STK36: variants seen among roughly 807,000 people sequenced by gnomAD.
STK36 encodes the protein serine/threonine-protein kinase 36.
A neutral mutation model predicts 142.2 loss-of-function variants in STK36; 116 were observed. That is an observed-to-expected ratio of 0.82 (90% CI 0.70 to 0.95). The LOEUF (loss-of-function observed/expected upper bound fraction) is 0.95, where lower values mean the gene tolerates loss of function less well. Among genes scored for constraint, STK36 ranks in the 40% least tolerant of loss-of-function variants. The pLI, the probability that STK36 is intolerant of heterozygous loss-of-function variation, is 0.00. For synonymous variants in STK36, 619 were observed against 641.7 expected (o/e 0.96, Z 0.53); for missense variants, 1,422 against 1,617.2 (o/e 0.88, Z 2.07).
In STK36 at chr2:218,698,814, G is replaced by T. The variant is rs766550861; in HGVS notation, c.3270G>T (p.Arg1090Ser). ...DLLSLLAHTARVLSPSHLSFI... is the reference protein window; with the variant it reads ...DLLSLLAHTASVLSPSHLSFI... Reference sequence around the variant, plus strand: ...TCTCTCTGCTGGCCCATACTGCCAGGGTCCTGTCTCCCAGCCACTTGTCCT... The same window carrying T: ...TCTCTCTGCTGGCCCATACTGCCAGTGTCCTGTCTCCCAGCCACTTGTCCT... The change falls in exon 26 of 27, where the codon AGG becomes AGT. Residue 1090 changes from arginine to serine, a missense_variant. Coordinates refer to ENST00000295709, the MANE Select transcript of STK36 (RefSeq NM_015690.5). The T allele has an allele frequency of 6.2e-7, 1 of 1,614,140 alleles. No homozygotes were observed. The highest frequency in any genetic ancestry group is 8.5e-7 in the Non-Finnish European group (1 of 1,180,030).
At chr2:218,700,925 TC>T (rs1018556429) in intron 26 of STK36, among the ~76,000 whole-genome samples, 2 of 149,096 alleles carry the variant, frequency 1.3e-5, no homozygotes, top group Non-Finnish European at 1.5e-5. Flanking sequence ...GGCAAGAGAA[TC>T]CCTTGAACCT....
intron 1 of STK36, 122 bp from the exon 2 acceptor site, chr2:218,672,619 T>G: frequency 1.9e-6 from 1 of 530,888 alleles, no homozygotes; most frequent in Non-Finnish European, 3.4e-6. Context: ...AGAAGCTCTG[T>G]TTGTTCCAAG....
intron 5 of STK36, 152 bp from the exon 6 acceptor site, chr2:218,675,877 C>T (rs1232641485): frequency 1.9e-5 from 18 of 964,568 alleles, no homozygotes; most frequent in Middle Eastern, 3.3e-4. Context: ...ATTTTAGAAC[C>T]GGAGCTAGAG....
intron 9 of STK36, 29 bp downstream of exon 9, chr2:218,680,109 G>C (rs758427578): frequency 6.2e-7 from 1 of 1,606,290 alleles, no homozygotes; most frequent in South Asian, 1.1e-5. Context: ...GGGATTTGTA[G>C]GGTGAGGTAT....
chr2:218,675,223 G>T, intron 4 of STK36, 120 bp from the exon 5 acceptor site: 2 of 1,082,070 alleles, frequency 1.8e-6, no homozygotes, highest in Non-Finnish European at 1.3e-6. Flanking sequence ...ATAGTGTGAA[G>T]CTCTGCAAGA....
At position 218,692,788 on chromosome 2, in the gene STK36, G is replaced by A. The variant is rs1385322406; in HGVS notation, c.2043+78G>A. ...AGGCTAGCCCCAGTTTTTCAGAAAG[G>A]CAGAAAAACAAGCTTTTAAGCCCCT... On this transcript the variant is annotated intron_variant, in intron 16 of 26. Coordinates refer to ENST00000295709, the MANE Select transcript of STK36 (RefSeq NM_015690.5). 4.6e-6 allele frequency: 7 copies of A among 1,506,750 alleles called. No individual in the cohort carries two copies. The African/African-American group carries it at 8.3e-5, about 18-fold the overall frequency. The allele number at this position is 1,506,750 out of a possible 1,614,324, so 93.3% of individuals were successfully genotyped here.
At chr2:218,678,027 G>A (rs576976700) in intron 6 of STK36, among the ~76,000 whole-genome samples, 2 of 152,268 alleles carry the variant, frequency 1.3e-5, no homozygotes, top group Non-Finnish European at 2.9e-5. Context: ...TCCCAACCTC[G>A]CGATCTGCCC....
rs1393600331 is a variant in STK36, at chr2:218,698,903, A to G, written c.3359A>G (p.His1120Arg). 3 of 1,614,008 alleles carry G rather than the reference A, an allele frequency of 1.9e-6. No individual in the cohort carries two copies. The highest frequency in any genetic ancestry group is 2.5e-6 in the Non-Finnish European group (3 of 1,180,026). The change falls in exon 26 of 27, where the codon CAC (histidine) becomes CGC (arginine). Residue 1120 changes from histidine to arginine, a missense_variant. By Grantham distance (29) the His-to-Arg change is conservative (BLOSUM62 0). Coordinates refer to ENST00000295709, the MANE Select transcript of STK36 (RefSeq NM_015690.5). Reference sequence around the variant, plus strand: ...CGGCCCCTGCGCAGCCTCCTGGGCCACCCAGAGAATTCTGTGCGGGCACAC... The same window carrying G: ...CGGCCCCTGCGCAGCCTCCTGGGCCGCCCAGAGAATTCTGTGCGGGCACAC... ...SYRPLRSLLGHPENSVRAHTY... is the reference protein window; with the variant it reads ...SYRPLRSLLGRPENSVRAHTY...
At position 218,702,450 on chromosome 2, in the gene STK36, C is replaced by A. The variant is rs1559349029; in HGVS notation, c.*441C>A. On this transcript the variant is annotated 3_prime_UTR_variant, in exon 27 of 27. Coordinates refer to ENST00000295709, the MANE Select transcript of STK36 (RefSeq NM_015690.5). ...TGTCTCAGCTCTAGGCTGTGGGGATCAATGCCATCAGTCCCTGTTATTGAG... is the reference window on the plus strand; with the variant it reads ...TGTCTCAGCTCTAGGCTGTGGGGATAAATGCCATCAGTCCCTGTTATTGAG... 1 of 156,500 alleles carries A rather than the reference C, an allele frequency of 6.4e-6. No homozygotes were observed. Among genetic ancestry groups the A allele is most frequent in the South Asian group, 2.0e-4 (1 of 5,110 alleles). 9.7% of individuals were successfully genotyped at this position (156,500 alleles called of 1,614,324 possible). A position where few individuals can be genotyped will look rare whatever the true frequency, so the allele number is the denominator to read the frequency against.
At chr2:218,700,294 C>G (rs1941396314) in intron 26 of STK36, among the ~76,000 whole-genome samples, 1 of 152,158 alleles carries the variant, frequency 6.6e-6, no homozygotes, top group Non-Finnish European at 1.5e-5. Context: ...ACCTCTGCCT[C>G]CAGGTTCAGC....
chr2:218,690,441 C>A lies in STK36; in HGVS notation c.1659-9C>A. 1 of 1,612,870 alleles carries A rather than the reference C, an allele frequency of 6.2e-7. No individual in the cohort carries two copies. The highest frequency in any genetic ancestry group is 8.5e-7 in the Non-Finnish European group (1 of 1,178,934). ...GATAAGAAATCATGGGCTCATTTTC[C>A]ACCCCCAGCCTGCAGGTGTTTCAGG... is the stretch of plus-strand genomic sequence containing the variant. On this transcript the variant is annotated splice_polypyrimidine_tract_variant and intron_variant, in intron 13 of 26. Coordinates refer to ENST00000295709, the MANE Select transcript of STK36 (RefSeq NM_015690.5).
rs1209038026 is a variant in STK36 at position 218,698,121 on chromosome 2, G to A, written c.3057+120G>A. On this transcript the variant is annotated intron_variant, in intron 25 of 26. Coordinates refer to ENST00000295709, the MANE Select transcript of STK36 (RefSeq NM_015690.5). ...CCTGTAAGCATGGAACAGCTGGCTT[G>A]ACTCAAAAGTTGGCGTGGAGACAGT... 1.1e-5 allele frequency: 15 copies of A among 1,400,972 alleles called. No homozygotes were observed. The African/African-American group carries it at 2.0e-4, about 19-fold the overall frequency. 86.8% of individuals were successfully genotyped at this position (1,400,972 alleles called of 1,614,324 possible).
At chr2:218,673,585 A>G (rs754970365) in intron 2 of STK36, 40 bp from the exon 3 acceptor site, 4 of 1,581,012 alleles carry the variant, frequency 2.5e-6, no homozygotes, top group South Asian at 2.3e-5. Context: ...TCTTTTCAGT[A>G]GTGTGATTAG....
chr2:218,701,741 A>C, intron 26 of STK36, 125 bp from the exon 27 acceptor site: 2 of 1,169,954 alleles, frequency 1.7e-6, no homozygotes, highest in Non-Finnish European at 2.4e-6. Flanking sequence ...CCAAGAGCCC[A>C]TTTCCTTTTT....
At chr2:218,698,362 T>A (rs1941313797) in intron 25 of STK36, among the ~76,000 whole-genome samples, 1 of 152,192 alleles carries the variant, frequency 6.6e-6, no homozygotes, top group Admixed American at 6.5e-5. Flanking sequence ...TTTTTGTTTT[T>A]TCACAGTGGG....
chr2:218,680,099 G>C lies in STK36; in HGVS notation c.1136+19G>C, dbSNP rs765393853. The stretch of plus-strand genomic sequence containing the variant: ...CACCTCGGTGAGAAGGGTATAGTTA[G>C]GGATTTGTAGGGTGAGGTATCTTGC... On this transcript the variant is annotated intron_variant, in intron 9 of 26. Transcript: ENST00000295709. 5 of 1,609,692 alleles carry C rather than the reference G, an allele frequency of 3.1e-6. No homozygotes were observed.
At chr2:218,674,915 T>C (rs1446133483) in intron 4 of STK36, among the ~76,000 whole-genome samples, 2 of 152,190 alleles carry the variant, frequency 1.3e-5, no homozygotes, top group East Asian at 1.9e-4. Context: ...ATTTGTTTTA[T>C]CTGTCTTGTT....
At position 218,696,531 on chromosome 2, in the gene STK36, G is replaced by T; in HGVS notation, c.2516G>T (p.Arg839Leu). The T allele has an allele frequency of 1.9e-6, 3 of 1,614,018 alleles. No homozygotes were observed. The highest frequency in any genetic ancestry group is 2.5e-6 in the Non-Finnish European group (3 of 1,179,950). ...THALSAPAEV[R>L]LTPPGSCGFY... ...CTTCATGTTTCTCTCTGACAGGTTCGGTTGACTCCACCAGGTAGTTGTGGA... is the reference window on the plus strand; with the variant it reads ...CTTCATGTTTCTCTCTGACAGGTTCTGTTGACTCCACCAGGTAGTTGTGGA... Residue 839 changes from arginine to leucine, a missense_variant, in exon 22 of 27, where the codon CGG becomes CTG. Physicochemically the swap from Arg to Leu is moderately radical, Grantham distance 102. This residue lies in a region of STK36 where 962 missense variants were observed against 1,167.5 expected (regional missense o/e 0.82). Coordinates refer to ENST00000295709, the MANE Select transcript of STK36 (RefSeq NM_015690.5).
intron 14 of STK36, 152 bp from the exon 15 acceptor site, chr2:218,691,991 A>G: frequency 1.2e-6 from 1 of 869,550 alleles, no homozygotes; most frequent in South Asian, 1.9e-5. Flanking sequence ...AAGCAGTTCT[A>G]ATGCATTTTT....
Sources: gnomAD v4.1 joint callset for allele counts (sites outside exome capture counted in the v4.1 genomes callset) on GRCh38, gnomAD v4.1.1 for gene constraint, gnomAD v4.1.1 regional missense constraint, MANE v1.5 for transcripts, NCBI Gene and HGNC (gene_info 2026-07-23, HGNC 2026-07-21) for gene names.